MEGF11: variants seen among roughly 807,000 people sequenced by gnomAD.
MEGF11 encodes the protein multiple EGF like domains 11.
Under a neutral mutation model 146.6 loss-of-function variants are expected in MEGF11, and 126 were observed. That is an observed-to-expected ratio of 0.86 (90% confidence interval 0.74 to 1.00). The LOEUF (loss-of-function observed/expected upper bound fraction) is 1.00, where lower values mean the gene tolerates loss of function less well. Ranked by LOEUF, MEGF11 falls within the 50% of genes least tolerant of loss-of-function variation. MEGF11 has a pLI of 0.00. For synonymous variants in MEGF11, 532 were observed against 583.4 expected (o/e 0.91, Z 1.27); for missense variants, 1,509 against 1,521.2 (o/e 0.99, Z 0.13).
At chr15:66,004,533 C>T (rs997785901) in intron 5 of MEGF11, among the ~76,000 whole-genome samples, 1 of 152,000 alleles carries the variant, frequency 6.6e-6, no homozygotes, top group Non-Finnish European at 1.5e-5. Flanking sequence ...TCCTGTATGT[C>T]ACAAATATTT....
At chr15:66,183,807 C>T (rs1430738538) in intron 1 of MEGF11, among the ~76,000 whole-genome samples, 3 of 152,108 alleles carry the variant, frequency 2.0e-5, no homozygotes, top group Non-Finnish European at 4.4e-5. Flanking sequence ...CCAACAAGCT[C>T]CCAGCTGATG....
In MEGF11 at chr15:65,943,981, G is replaced by A. The variant is rs551247043; in HGVS notation, c.1288-13038C>T. On this transcript the variant is annotated intron_variant, in intron 10 of 25. Transcript: ENST00000395614. Reference sequence around the variant, plus strand: ...CAGTGTCCTAGGTGGGAGCCAGACTGTGGGGGACAGAGGGTCTTGCAGAGG... The same window carrying A: ...CAGTGTCCTAGGTGGGAGCCAGACTATGGGGGACAGAGGGTCTTGCAGAGG... 2.0e-5 allele frequency among the ~76,000 whole-genome samples: 3 copies of A among 149,010 alleles called. No individual in the cohort carries two copies. The South Asian group carries it at 6.2e-4, about 31-fold the overall frequency.
At chr15:66,191,098 T>C (rs2090859770) in intron 1 of MEGF11, among the ~76,000 whole-genome samples, 1 of 152,080 alleles carries the variant, frequency 6.6e-6, no homozygotes, top group African/African-American at 2.4e-5. Flanking sequence ...CAGGCCAGAC[T>C]TAAGATGGAA....
intron 24 of MEGF11, chr15:65,905,677 A>T (rs1183919537): frequency 1.2e-5 from 2 of 160,252 alleles, no homozygotes; most frequent in Non-Finnish European, 2.7e-5. Flanking sequence ...TTGTGCCCCC[A>T]GAAAGCCAGC....
intron 1 of MEGF11, among the ~76,000 whole-genome samples, chr15:66,197,151 C>A (rs2091028022): frequency 6.6e-6 from 1 of 152,356 alleles, no homozygotes; most frequent in East Asian, 1.9e-4. Flanking sequence ...AGAGTAAGTT[C>A]TGATGTGAGG....
intron 7 of MEGF11, among the ~76,000 whole-genome samples, chr15:65,977,750 A>C (rs995714485): frequency 5.9e-5 from 9 of 151,830 alleles, no homozygotes; most frequent in Non-Finnish European, 1.3e-4. Context: ...CCTCTCTTCC[A>C]GTCTTTTCTT....
chr15:66,237,000 C>T (rs1272946748), intron 1 of MEGF11, among the ~76,000 whole-genome samples: 3 of 152,204 alleles, frequency 2.0e-5, no homozygotes, highest in Non-Finnish European at 2.9e-5. Flanking sequence ...CCCAGCACCT[C>T]CTTCCCTTGT....
chr15:66,197,303 T>A (rs1260676303), intron 1 of MEGF11, among the ~76,000 whole-genome samples: 2 of 152,206 alleles, frequency 1.3e-5, no homozygotes, highest in Non-Finnish European at 2.9e-5. Flanking sequence ...GATGCGATAA[T>A]CCCAGGCTCT....
At chr15:65,899,149 A>AG (rs979839592) in intron 24 of MEGF11, among the ~76,000 whole-genome samples, 3 of 152,204 alleles carry the variant, frequency 2.0e-5, no homozygotes, top group Admixed American at 2.0e-4. Flanking sequence ...TTTGGAGGAT[A>AG]GGAACATTTT....
At chr15:65,972,170 A>G (rs1025455384) in intron 7 of MEGF11, among the ~76,000 whole-genome samples, 2 of 152,190 alleles carry the variant, frequency 1.3e-5, no homozygotes, top group Admixed American at 6.5e-5. Flanking sequence ...TAGAGGACCA[A>G]TTCAGGTGGT....
intron 10 of MEGF11, among the ~76,000 whole-genome samples, chr15:65,950,562 T>C (rs1214613531): frequency 6.7e-6 from 1 of 149,640 alleles, no homozygotes; most frequent in Admixed American, 6.7e-5. Flanking sequence ...GCCTGGGCAA[T>C]AGAGTGAGGC....
intron 5 of MEGF11, among the ~76,000 whole-genome samples, chr15:66,081,563 G>C (rs2085857327): frequency 6.6e-6 from 1 of 152,128 alleles, no homozygotes; most frequent in African/African-American, 2.4e-5. Context: ...ATTTTTAGTA[G>C]AGACGGGGTT....
chr15:66,116,639 C>G (rs1273250052), intron 4 of MEGF11, among the ~76,000 whole-genome samples: 2 of 152,150 alleles, frequency 1.3e-5, no homozygotes, highest in African/African-American at 4.8e-5. Flanking sequence ...ACCCAATGAA[C>G]CCATGAACTC....
At chr15:65,913,305 G>T (rs765168092) in intron 20 of MEGF11, among the ~76,000 whole-genome samples, 11 of 152,186 alleles carry the variant, frequency 7.2e-5, no homozygotes, top group Non-Finnish European at 1.3e-4. Flanking sequence ...AACTGGGAAG[G>T]AGGGTTGTCC....
intron 10 of MEGF11, among the ~76,000 whole-genome samples, chr15:65,953,805 C>CG (rs1280684570): frequency 6.6e-6 from 1 of 152,020 alleles, no homozygotes; most frequent in African/African-American, 2.4e-5. Context: ...CCTGTGCTCT[C>CG]GGGGGTGGAG....
At chr15:66,189,364 G>T (rs2090809028) in intron 1 of MEGF11, among the ~76,000 whole-genome samples, 1 of 152,104 alleles carries the variant, frequency 6.6e-6, no homozygotes, top group Non-Finnish European at 1.5e-5. Flanking sequence ...TAACGAATGT[G>T]GGTATCACAC....
At chr15:66,227,042 G>C (rs930927441) in intron 1 of MEGF11, among the ~76,000 whole-genome samples, 2 of 152,180 alleles carry the variant, frequency 1.3e-5, no homozygotes, top group African/African-American at 4.8e-5. Flanking sequence ...CGTGGAAACA[G>C]GTCCACGGAG....
chr15:66,186,790 A>G (rs923928445), intron 1 of MEGF11, among the ~76,000 whole-genome samples: 4 of 152,268 alleles, frequency 2.6e-5, no homozygotes, highest in Admixed American at 2.6e-4. Context: ...CTGTTTGGCC[A>G]TGAAAACAGA....
intron 1 of MEGF11, among the ~76,000 whole-genome samples, chr15:66,215,419 T>C (rs1429130012): frequency 6.6e-6 from 1 of 152,158 alleles, no homozygotes; most frequent in Non-Finnish European, 1.5e-5. Context: ...CTTATTTCAT[T>C]TTCTTACCAA....
Sources: gnomAD v4.1 joint callset for allele counts (sites outside exome capture counted in the v4.1 genomes callset) on GRCh38, gnomAD v4.1.1 for gene constraint, MANE v1.5 for transcripts, NCBI Gene and HGNC (gene_info 2026-07-23, HGNC 2026-07-21) for gene names.